Variants in PPM1H observed in about 807,000 individuals in gnomAD.
PPM1H encodes the protein protein phosphatase 1H.
Under a neutral mutation model 54.9 loss-of-function variants are expected in PPM1H, and 27 were observed. The ratio of observed to expected loss-of-function variants is 0.49; its 90% CI spans 0.36 to 0.68. The LOEUF (loss-of-function observed/expected upper bound fraction) is 0.68. Among genes scored for constraint, PPM1H ranks in the 30% least tolerant of loss-of-function variants. The pLI is 0.00. For missense variants in PPM1H, 596 were observed against 667.8 expected (o/e 0.89, Z 1.19); for synonymous variants, 305 against 270.8 (o/e 1.13, Z -1.24).
chr12:62,737,430 C>G (rs2076356827), intron 5 of PPM1H, 72 bp downstream of exon 5: 1 of 1,038,180 alleles, frequency 9.6e-7, no homozygotes, highest in Admixed American at 2.8e-5. Flanking sequence ...TCAGTAGCAA[C>G]GTGTTCCTCC....
rs530586793 is a variant in PPM1H, at chr12:62,730,707, A to G, written c.954+6795T>C. Among the ~76,000 whole-genome samples the G allele has an allele frequency of 5.9e-5, 9 of 152,092 alleles. No homozygotes were observed. The South Asian group carries it at 1.5e-3, about 25-fold the overall frequency. ...TTTTTCTTGCCCTTAGAAGGGGAAA[A>G]TCTCCTCAGATTATATGAGAAGAGG... On this transcript the variant is annotated intron_variant, in intron 5 of 9. Transcript: ENST00000228705.
Position 62,934,676 on chromosome 12 carries a change from A to G in PPM1H, c.61T>C (p.Ser21Pro). Residue 21 changes from serine to proline, a missense_variant, in exon 1 of 10, where the codon TCA becomes CCA. Ser to Pro is a moderately conservative substitution (Grantham distance 74, BLOSUM62 -1). Transcript: ENST00000228705. This position sits in a 1 kb window ranked among gnomAD's most constrained non-coding sequence, Gnocchi z 4.2. Reference protein sequence around the residue: ...NFMGGIMAGSSGSEHGGGSCG... With the variant: ...NFMGGIMAGSPGSEHGGGSCG... ...CTGCCGCCGCCGTGCTCGGAGCCTG[A>G]GCTGCCAGCCATGATGCCGCCCATG... 1 of 1,606,596 alleles carries G rather than the reference A, an allele frequency of 6.2e-7. No homozygotes were observed. The highest frequency in any genetic ancestry group is 1.1e-5 in the South Asian group (1 of 89,724).
At chr12:62,657,367 T>C (rs527749805) in intron 9 of PPM1H, among the ~76,000 whole-genome samples, 1 of 152,334 alleles carries the variant, frequency 6.6e-6, no homozygotes, top group South Asian at 2.1e-4. Flanking sequence ...TAAAACATCC[T>C]GATGTGGCCA....
In PPM1H at chr12:62,647,988, G is replaced by A. The variant is rs2075795627; in HGVS notation, c.*501C>T. ...AACAGAGAAGAAAAAAAGAGAAGGG[G>A]GGCGGGGGGCAGACGGCAATCCCTG... On this transcript the variant is annotated 3_prime_UTR_variant, in exon 10 of 10. Coordinates refer to ENST00000228705, the MANE Select transcript of PPM1H (RefSeq NM_020700.2). 6.6e-6 allele frequency: 1 copy of A among 152,262 alleles called. No individual in the cohort carries two copies. Among genetic ancestry groups the A allele is most frequent in the Admixed American group, 6.5e-5 (1 of 15,302 alleles). 9.4% of individuals were successfully genotyped at this position (152,262 alleles called of 1,614,324 possible). A position where few individuals can be genotyped will look rare whatever the true frequency, so the allele number is the denominator to read the frequency against.
chr12:62,840,412 G>C lies in PPM1H; in HGVS notation c.246-8133C>G, dbSNP rs186847591. Reference sequence around the variant, plus strand: ...GGATTTCAACATATGCATTGGGAGGGGAGGGATGCACACATTTAGTCCATT... The same window carrying C: ...GGATTTCAACATATGCATTGGGAGGCGAGGGATGCACACATTTAGTCCATT... On this transcript the variant is annotated intron_variant, in intron 1 of 9. Coordinates refer to ENST00000228705, the MANE Select transcript of PPM1H (RefSeq NM_020700.2). Among the ~76,000 whole-genome samples the C allele has an allele frequency of 1.5e-3, 232 of 152,258 alleles. 1 individual carries two copies. The highest frequency in any genetic ancestry group is 5.3e-3 in the African/African-American group (219 of 41,536).
chr12:62,877,312 C>T (rs538098231), intron 1 of PPM1H, among the ~76,000 whole-genome samples: 2 of 152,080 alleles, frequency 1.3e-5, no homozygotes, highest in Admixed American at 6.5e-5. Flanking sequence ...TGAACACAGA[C>T]CATGAGATAG....
At chr12:62,900,530 T>C (rs1396076970) in intron 1 of PPM1H, among the ~76,000 whole-genome samples, 2 of 75,182 alleles carry the variant, frequency 2.7e-5, no homozygotes, top group South Asian at 7.0e-4. Context: ...GAACTTAAAA[T>C]GTAATAATAA....
At chr12:62,670,118 C>T (rs1052235569) in intron 8 of PPM1H, among the ~76,000 whole-genome samples, 5 of 151,470 alleles carry the variant, frequency 3.3e-5, no homozygotes, top group Non-Finnish European at 7.4e-5. Flanking sequence ...GCTGGGATTA[C>T]AGGCATGTGC....
At chr12:62,679,945 C>A (rs181119496) in intron 8 of PPM1H, among the ~76,000 whole-genome samples, 3 of 152,316 alleles carry the variant, frequency 2.0e-5, no homozygotes, top group East Asian at 3.9e-4. Context: ...CTCAAGATTG[C>A]ACAGCAGGGA....
At chr12:62,877,366 A>G (rs1432352129) in intron 1 of PPM1H, among the ~76,000 whole-genome samples, 1 of 152,204 alleles carries the variant, frequency 6.6e-6, no homozygotes, top group African/African-American at 2.4e-5. Flanking sequence ...CACTTTCTGC[A>G]GAGATTGGGG....
At chr12:62,816,212 C>A (rs1027054564) in intron 2 of PPM1H, among the ~76,000 whole-genome samples, 1 of 106,264 alleles carries the variant, frequency 9.4e-6, no homozygotes, top group Admixed American at 9.4e-5. Flanking sequence ...CTGCCTGGGT[C>A]GAATCAAGAT....
intron 1 of PPM1H, among the ~76,000 whole-genome samples, chr12:62,866,610 A>G (rs964983438): frequency 7.2e-5 from 11 of 152,148 alleles, no homozygotes; most frequent in Admixed American, 7.2e-4. Context: ...GGAGTGAGCC[A>G]TTTCAGATAG....
At chr12:62,932,628 C>CTTTTTTTTTTTGTTTTTTTT (rs1872178290) in intron 1 of PPM1H, among the ~76,000 whole-genome samples, 1 of 54,012 alleles carries the variant, frequency 1.9e-5, no homozygotes. Flanking sequence ...TCCAAATGGG[C>CTTTTTTTTTTTGTTTTTTTT]TTTTTTTTTT....
intron 1 of PPM1H, among the ~76,000 whole-genome samples, chr12:62,901,972 C>T (rs1024245006): frequency 3.7e-4 from 57 of 152,276 alleles, no homozygotes; most frequent in Middle Eastern, 3.4e-3. Context: ...AAAACAAATA[C>T]GAAATAATCC....
At chr12:62,658,776 T>C (rs1179877964) in intron 9 of PPM1H, 3 of 429,624 alleles carry the variant, frequency 7.0e-6, no homozygotes, top group East Asian at 1.1e-4. Context: ...CAAACTGTGA[T>C]AGAAAAGAAA....
intron 1 of PPM1H, among the ~76,000 whole-genome samples, chr12:62,877,158 G>A (rs1452827623): frequency 1.3e-5 from 2 of 152,188 alleles, no homozygotes; most frequent in East Asian, 1.9e-4. Context: ...CTCTGGAGGC[G>A]TATTCTTGGC....
At chr12:62,668,623 T>C (rs1422568879) in intron 8 of PPM1H, among the ~76,000 whole-genome samples, 1 of 152,174 alleles carries the variant, frequency 6.6e-6, no homozygotes, top group African/African-American at 2.4e-5. Context: ...GGGATCCGCC[T>C]GCTTCAGCCT....
chr12:62,705,845 T>C (rs1022353071), intron 6 of PPM1H, among the ~76,000 whole-genome samples: 2 of 152,242 alleles, frequency 1.3e-5, no homozygotes, highest in Admixed American at 1.3e-4. Flanking sequence ...CAAGTCAATA[T>C]ATACAAATCA....
intron 9 of PPM1H, among the ~76,000 whole-genome samples, chr12:62,664,681 T>C (rs1418530263): frequency 6.6e-6 from 1 of 152,246 alleles, no homozygotes; most frequent in Non-Finnish European, 1.5e-5. Flanking sequence ...TATGACCACA[T>C]GTTTACTAAT....
Sources: allele counts gnomAD v4.1 joint callset (sites outside exome capture counted in the v4.1 genomes callset), GRCh38; gene constraint gnomAD v4.1.1; non-coding constraint Gnocchi (gnomAD v3.1); transcripts MANE v1.5; gene names NCBI Gene and HGNC (gene_info 2026-07-23, HGNC 2026-07-21).